Variants in MTO1 observed in about 807,000 individuals in gnomAD.
MTO1 encodes the protein mitochondrial tRNA translation optimization 1, also known as 5-taurinomethyluridine-[tRNA] synthase subunit MTO1, mitochondrial.
Under a neutral mutation model 71.6 loss-of-function variants are expected in MTO1, and 46 were observed. That is an observed-to-expected ratio of 0.64 (90% CI 0.51 to 0.82). The LOEUF is 0.82. Among genes scored for constraint, MTO1 ranks in the 40% least tolerant of loss-of-function variants. The pLI, the probability that MTO1 is intolerant of heterozygous loss-of-function variation, is 0.00. For missense variants in MTO1, 773 were observed against 867.5 expected, an observed-to-expected ratio of 0.89 and a Z score of 1.37; for synonymous variants, 297 against 312.1, an observed-to-expected ratio of 0.95 and a Z score of 0.51.
At chr6:73,475,660 A>G (rs1771293476) in intron 4 of MTO1, among the ~76,000 whole-genome samples, 2 of 152,008 alleles carry the variant, frequency 1.3e-5, no homozygotes, top group Admixed American at 6.6e-5. Context: ...GATTACAGGC[A>G]TGTGCCACCA....
chr6:73,464,853 A>AAT (rs1770938809), intron 1 of MTO1, among the ~76,000 whole-genome samples: 1 of 150,156 alleles, frequency 6.7e-6, no homozygotes, highest in East Asian at 2.0e-4. Context: ...AAAAAAAAAA[A>AAT]AAAAAAAACT....
In MTO1 at chr6:73,491,288, G is replaced by C. The variant is rs773726314; in HGVS notation, c.1638-946G>C. ...TAGGAAAAAAAAAAAAAATCAGACAGAATATTTATGAACCAGCCGGGCACA... is the reference window on the plus strand; with the variant it reads ...TAGGAAAAAAAAAAAAAATCAGACACAATATTTATGAACCAGCCGGGCACA... On this transcript the variant is annotated intron_variant, in intron 9 of 11. Transcript: ENST00000498286. Among the ~76,000 whole-genome samples, 34 of 147,386 alleles carry C rather than the reference G, an allele frequency of 2.3e-4. 1 individual carries two copies. Among genetic ancestry groups the C allele is most frequent in the Non-Finnish European group, 2.1e-4 (14 of 67,478 alleles).
chr6:73,480,781 T>C lies in MTO1; in HGVS notation c.1236T>C (p.Thr412=). The part of the protein sequence containing the change: ...LFFAGQINGT[T]GYEEAAAQGV... ...TTGCTGGACAGATCAATGGCACCACTGGTTATGAGGAAGCTGCAGCTCAAG... is the reference window on the plus strand; with the variant it reads ...TTGCTGGACAGATCAATGGCACCACCGGTTATGAGGAAGCTGCAGCTCAAG... The change falls in exon 7 of 12, where the codon ACT becomes ACC. Residue 412 remains threonine, a synonymous_variant. Coordinates refer to ENST00000498286, the MANE Select transcript of MTO1 (RefSeq NM_012123.4). 6.2e-7 allele frequency: 1 copy of C among 1,614,028 alleles called. No individual in the cohort carries two copies. The highest frequency in any genetic ancestry group is 1.1e-5 in the South Asian group (1 of 91,078).
At chr6:73,494,681 G>A (rs1771932188) in intron 10 of MTO1, among the ~76,000 whole-genome samples, 1 of 149,272 alleles carries the variant, frequency 6.7e-6, no homozygotes, top group African/African-American at 2.5e-5. Context: ...TTCACTATTT[G>A]GCCAGGCTGG....
Position 73,503,624 on chromosome 6 carries a change from C to G in MTO1, c.*2889C>G, listed in dbSNP as rs1772217035. 6.6e-6 allele frequency: 1 copy of G among 152,228 alleles called. No individual in the cohort carries two copies. Among genetic ancestry groups the G allele is most frequent in the Non-Finnish European group, 1.5e-5 (1 of 68,054 alleles). The allele number at this position is 152,228 out of a possible 1,614,324, so 9.4% of individuals were successfully genotyped here. On this transcript the variant is annotated 3_prime_UTR_variant, in exon 12 of 12. Transcript: ENST00000498286. ...GACAATAATCAGCTGCCAACGAAAGCTGGCCATACTTGTGACTTCCTCTAT... is the reference window on the plus strand; with the variant it reads ...GACAATAATCAGCTGCCAACGAAAGGTGGCCATACTTGTGACTTCCTCTAT...
chr6:73,476,378 CAAA>C (rs869185503), intron 4 of MTO1, among the ~76,000 whole-genome samples: 2 of 62,896 alleles, frequency 3.2e-5, no homozygotes, highest in African/African-American at 5.2e-5. Context: ...GACTCCATCT[CAAA>C]AAAAAAAAAA....
rs146096188 is a variant in MTO1 at position 73,475,434 on chromosome 6, C to T, written c.825+1780C>T. 2.2e-4 allele frequency among the ~76,000 whole-genome samples: 34 copies of T among 152,132 alleles called. 1 individual carries two copies. In the East Asian group the frequency reaches 5.6e-3, roughly 25 times the overall value. On this transcript the variant is annotated intron_variant, in intron 4 of 11. Transcript: ENST00000498286. Reference sequence around the variant, plus strand: ...AGTAGCTGGGATTACAGGTGCCCGCCGCCATGCCCAGCTAATTTGTTTTTG... The same window carrying T: ...AGTAGCTGGGATTACAGGTGCCCGCTGCCATGCCCAGCTAATTTGTTTTTG...
intron 3 of MTO1, among the ~76,000 whole-genome samples, chr6:73,472,753 A>G (rs1190161512): frequency 6.6e-6 from 1 of 152,184 alleles, no homozygotes; most frequent in Non-Finnish European, 1.5e-5. Context: ...GGTGATGGTT[A>G]TATTAATTAG....
rs1772310792 is a variant in MTO1 at position 73,507,094 on chromosome 6, C to T, written c.*6359C>T. The T allele has an allele frequency of 6.6e-6, 1 of 151,796 alleles. No homozygotes were observed. The highest frequency in any genetic ancestry group is 2.4e-5 in the African/African-American group (1 of 41,348). 9.4% of individuals were successfully genotyped at this position (151,796 alleles called of 1,614,324 possible). A position where few individuals can be genotyped will look rare whatever the true frequency, so the allele number is the denominator to read the frequency against. On this transcript the variant is annotated 3_prime_UTR_variant, in exon 12 of 12. Coordinates refer to ENST00000498286, the MANE Select transcript of MTO1 (RefSeq NM_012123.4). ...AATTAATGGCATCTGACAGTTATAA[C>T]TGGCAGCATTTGTGACTGAAAAACA...
intron 3 of MTO1, among the ~76,000 whole-genome samples, chr6:73,472,819 T>C (rs1255627226): frequency 6.6e-6 from 1 of 152,182 alleles, no homozygotes. Flanking sequence ...CCATGTTGCA[T>C]ACTCTAAATA....
intron 3 of MTO1, 110 bp from the exon 4 acceptor site, chr6:73,473,255 G>A (rs1262143467): frequency 8.4e-7 from 1 of 1,192,658 alleles, no homozygotes; most frequent in South Asian, 1.6e-5. Context: ...CTCCAGCCTG[G>A]CGATAGAGTG....
Position 73,497,084 on chromosome 6 carries a change from CAT to C in MTO1, c.1757-650_1757-649del, listed in dbSNP as rs373523946. Reference sequence around the variant, plus strand: ...AGAGAGAAATAGCTTATCTCTAGGACATAAAATTCAACCTCACAGCCTGTTGA... The same window carrying C: ...AGAGAGAAATAGCTTATCTCTAGGACAAAATTCAACCTCACAGCCTGTTGA... On this transcript the variant is annotated intron_variant, in intron 10 of 11. Coordinates refer to ENST00000498286, the MANE Select transcript of MTO1 (RefSeq NM_012123.4). Among the ~76,000 whole-genome samples, 572 of 150,288 alleles carry C rather than the reference CAT, an allele frequency of 3.8e-3. 6 individuals carry two copies. Among genetic ancestry groups the C allele is most frequent in the African/African-American group, 0.013 (542 of 41,036 alleles).
chr6:73,488,985 G>A (rs980181338), intron 9 of MTO1, among the ~76,000 whole-genome samples: 15 of 152,188 alleles, frequency 9.9e-5, no homozygotes, highest in East Asian at 1.9e-4. Flanking sequence ...TTTGTTTCTT[G>A]TGCTTTTGGT....
At chr6:73,472,741 G>T (rs1022083381) in intron 3 of MTO1, among the ~76,000 whole-genome samples, 2 of 152,114 alleles carry the variant, frequency 1.3e-5, no homozygotes, top group Non-Finnish European at 2.9e-5. Flanking sequence ...GTAACTATGT[G>T]AGGTGATGGT....
chr6:73,473,260 A>G (rs1771200346), intron 3 of MTO1, 105 bp from the exon 4 acceptor site: 2 of 1,207,976 alleles, frequency 1.7e-6, no homozygotes, highest in South Asian at 1.6e-5. Context: ...GCCTGGCGAT[A>G]GAGTGAGACT....
intron 4 of MTO1, 109 bp downstream of exon 4, chr6:73,473,763 A>T: frequency 1.2e-5 from 9 of 781,684 alleles, no homozygotes; most frequent in Admixed American, 3.3e-5. Context: ...TTATAGCACT[A>T]TTGCTTATAG....
intron 10 of MTO1, among the ~76,000 whole-genome samples, chr6:73,495,465 C>G (rs981834477): frequency 6.6e-6 from 1 of 151,948 alleles, no homozygotes; most frequent in Non-Finnish European, 1.5e-5. Context: ...TTAACTTGTT[C>G]ATAGAAAGCC....
chr6:73,493,534 G>C (rs1053064551), intron 10 of MTO1, among the ~76,000 whole-genome samples: 3 of 151,610 alleles, frequency 2.0e-5, no homozygotes, highest in African/African-American at 7.3e-5. Context: ...GGGGTTACAG[G>C]GCCCCGCCAC....
chr6:73,496,237 C>T (rs1771974771), intron 10 of MTO1, among the ~76,000 whole-genome samples: 1 of 152,184 alleles, frequency 6.6e-6, no homozygotes, highest in Non-Finnish European at 1.5e-5. Context: ...TCAGAGGACT[C>T]CCTTTCTTGA....
Sources: gnomAD v4.1 joint callset for allele counts (sites outside exome capture counted in the v4.1 genomes callset) on GRCh38, gnomAD v4.1.1 for gene constraint, MANE v1.5 for transcripts, NCBI Gene and HGNC (gene_info 2026-07-23, HGNC 2026-07-21) for gene names.